The following CCDC191 variants were observed in gnomAD, a reference collection of about 807,000 sequenced individuals.
CCDC191 encodes the protein coiled-coil domain-containing protein 191.
Under a neutral mutation model 114.0 loss-of-function variants are expected in CCDC191, and 99 were observed. The ratio of observed to expected loss-of-function variants is 0.87; its 90% confidence interval spans 0.74 to 1.03. The LOEUF (loss-of-function observed/expected upper bound fraction) is 1.03. Among genes scored for constraint, CCDC191 ranks in the 50% least tolerant of loss-of-function variants. The pLI is 0.00. For synonymous variants in CCDC191, 351 were observed against 376.0 expected, an observed-to-expected ratio of 0.93 and a Z score of 0.77; for missense variants, 973 against 1,087.0, an observed-to-expected ratio of 0.90 and a Z score of 1.47.
chr3:113,981,546 CAA>C (rs1248913534), intron 13 of CCDC191, among the ~76,000 whole-genome samples: 1 of 152,168 alleles, frequency 6.6e-6, no homozygotes, highest in Non-Finnish European at 1.5e-5. Flanking sequence ...GTGAAAGACA[CAA>C]GAGCAACAAA....
rs200206953 is a variant in CCDC191, at chr3:113,978,947, T to C, written c.2371A>G (p.Ser791Gly). 1.9e-5 allele frequency: 31 copies of C among 1,613,962 alleles called. No homozygotes were observed. In the East Asian group the frequency reaches 2.5e-4, roughly 13 times the overall value. ...RKYMLTWFQR[S>G]QESLARKMAQ... The stretch of plus-strand genomic sequence containing the variant: ...ATCTTTCTAGCCAGACTTTCCTGAC[T>C]ACGCTGGAACCACGTCAGCATGTAT... The change falls in exon 15 of 17, where the codon AGT becomes GGT. Residue 791 changes from serine (S) to glycine (G), a missense_variant. Transcript: ENST00000295878.
At chr3:113,972,135 G>C (rs983573462) in intron 16 of CCDC191, among the ~76,000 whole-genome samples, 21 of 151,738 alleles carry the variant, frequency 1.4e-4, no homozygotes, top group African/African-American at 5.1e-4. Flanking sequence ...GTTTGTTCTT[G>C]CTTTTCTATA....
Position 113,978,237 on chromosome 3 carries a change from A to G in CCDC191, c.2555T>C (p.Val852Ala). The change falls in exon 16 of 17, where the codon GTG (valine) becomes GCG (alanine). Residue 852 changes from valine to alanine, a missense_variant. Coordinates refer to ENST00000295878, the MANE Select transcript of CCDC191 (RefSeq NM_020817.2). ...FRAWFNMVRE[V>A]KIDSQGKHEI... is the part of the protein sequence containing the mutation. ...ATGCTTGCCCTGAGAATCGATCTTC[A>G]CCTCCCTGACCATGTTAAACCAGGC... The G allele has an allele frequency of 6.2e-7, 1 of 1,613,800 alleles. No individual in the cohort carries two copies. The highest frequency in any genetic ancestry group is 8.5e-7 in the Non-Finnish European group (1 of 1,179,896).
intron 16 of CCDC191, among the ~76,000 whole-genome samples, chr3:113,966,111 A>C (rs1294141682): frequency 6.6e-6 from 1 of 152,190 alleles, no homozygotes; most frequent in Middle Eastern, 3.2e-3. Context: ...TGCGTGCAGA[A>C]TGTGCCAAAG....
At chr3:113,977,397 C>T (rs1419167109) in intron 16 of CCDC191, among the ~76,000 whole-genome samples, 1 of 152,136 alleles carries the variant, frequency 6.6e-6, no homozygotes, top group Non-Finnish European at 1.5e-5. Context: ...ACCAAATCAC[C>T]ACTCTTAAAG....
intron 5 of CCDC191, among the ~76,000 whole-genome samples, 193 bp downstream of exon 5, chr3:114,036,415 A>AT (rs1277456542): frequency 1.3e-5 from 2 of 151,720 alleles, no homozygotes; most frequent in Non-Finnish European, 2.9e-5. Context: ...TCTTAAATAA[A>AT]TTGTTTCCTA....
At chr3:113,994,652 T>C (rs2075670352) in intron 13 of CCDC191, among the ~76,000 whole-genome samples, 1 of 148,734 alleles carries the variant, frequency 6.7e-6, no homozygotes, top group African/African-American at 2.5e-5. Flanking sequence ...AGCAAAATAA[T>C]AGCTCACTGC....
At chr3:114,042,558 A>G in intron 4 of CCDC191, 145 bp downstream of exon 4, 2 of 575,544 alleles carry the variant, frequency 3.5e-6, no homozygotes, top group Non-Finnish European at 5.6e-6. Flanking sequence ...TTTACATTTA[A>G]CCATGATAAA....
At chr3:114,028,373 C>G (rs902595327) in intron 7 of CCDC191, among the ~76,000 whole-genome samples, 3 of 150,610 alleles carry the variant, frequency 2.0e-5, no homozygotes, top group Admixed American at 6.6e-5. Context: ...GCAAGCTCTG[C>G]CTCCTGGGTT....
At chr3:114,032,923 G>A (rs2076427624) in intron 6 of CCDC191, among the ~76,000 whole-genome samples, 1 of 152,054 alleles carries the variant, frequency 6.6e-6, no homozygotes, top group Admixed American at 6.5e-5. Context: ...CCATAACAAT[G>A]TTATATTACA....
upstream of CCDC191, chr3:114,056,565 G>T (rs756165200): frequency 1.2e-6 from 2 of 1,603,088 alleles, no homozygotes; most frequent in Non-Finnish European, 1.7e-6. Context: ...TCCTCCGCCC[G>T]CAAGGAAAGC....
At chr3:113,973,775 G>A (rs899427490) in intron 16 of CCDC191, among the ~76,000 whole-genome samples, 1 of 151,722 alleles carries the variant, frequency 6.6e-6, no homozygotes, top group Non-Finnish European at 1.5e-5. Context: ...TGAGAGTTTA[G>A]GTCAAATCTG....
intron 4 of CCDC191, 25 bp from the exon 5 acceptor site, chr3:114,036,811 A>AG: frequency 6.8e-7 from 1 of 1,480,026 alleles, no homozygotes; most frequent in East Asian, 2.5e-5. Context: ...ACAACAAAAA[A>AG]GGGAATTTTT....
chr3:113,986,371 G>A (rs2075356028), intron 13 of CCDC191, among the ~76,000 whole-genome samples: 1 of 152,128 alleles, frequency 6.6e-6, no homozygotes, highest in Admixed American at 6.5e-5. Context: ...AATCCCATAA[G>A]GAAAAGAAAA....
Position 113,982,342 on chromosome 3 carries a change from A to ATTAAGC in CCDC191, c.2164-1550_2164-1549insGCTTAA, listed in dbSNP as rs1349967658. On this transcript the variant is annotated intron_variant, in intron 13 of 16. Coordinates refer to ENST00000295878, the MANE Select transcript of CCDC191 (RefSeq NM_020817.2). ...ATTCAAATATGTATCTCCTCCCTCT[A>ATTAAGC]TTAAGGGTTCCTCGATAGAACTGGT... is the stretch of plus-strand genomic sequence containing the variant. Among the ~76,000 whole-genome samples the ATTAAGC allele has an allele frequency of 4.6e-5, 7 of 152,162 alleles. No homozygotes were observed. The South Asian group carries it at 1.0e-3, about 23-fold the overall frequency.
chr3:114,034,924 C>G lies in CCDC191; in HGVS notation c.818+1G>C. 6.2e-7 allele frequency: 1 copy of G among 1,613,530 alleles called. No homozygotes were observed. Among genetic ancestry groups the G allele is most frequent in the Non-Finnish European group, 8.5e-7 (1 of 1,179,816 alleles). ...CCACAGTGCTTATCACACTGGCTTACATTTTCCATGCTGCTTTCACAGTGC... is the reference window on the plus strand; with the variant it reads ...CCACAGTGCTTATCACACTGGCTTAGATTTTCCATGCTGCTTTCACAGTGC... On this transcript the variant is annotated splice_donor_variant, in intron 6 of 16. Coordinates refer to ENST00000295878, the MANE Select transcript of CCDC191 (RefSeq NM_020817.2). LOFTEE classifies it high-confidence loss of function.
chr3:114,046,474 A>C (rs2107755731), intron 3 of CCDC191, 117 bp downstream of exon 3: 1 of 723,094 alleles, frequency 1.4e-6, no homozygotes, highest in East Asian at 2.6e-5. Context: ...TCAGGGGAGT[A>C]GAAAGAAAGG....
intron 13 of CCDC191, among the ~76,000 whole-genome samples, chr3:113,998,856 T>C (rs1179881436): frequency 6.6e-6 from 1 of 152,186 alleles, no homozygotes; most frequent in Admixed American, 6.5e-5. Context: ...TCTACTGTCA[T>C]AGTATTCCAC....
chr3:114,042,408 C>T (rs1045668747), intron 4 of CCDC191, among the ~76,000 whole-genome samples: 1 of 152,148 alleles, frequency 6.6e-6, no homozygotes, highest in African/African-American at 2.4e-5. Context: ...ACGCACAAGA[C>T]TAGAACATCT....
Sources: gnomAD v4.1 joint callset for allele counts (sites outside exome capture counted in the v4.1 genomes callset) on GRCh38, gnomAD v4.1.1 for gene constraint, MANE v1.5 for transcripts, NCBI Gene and HGNC (gene_info 2026-07-23, HGNC 2026-07-21) for gene names.